Variants in ATPAF1 observed in about 807,000 individuals in gnomAD.
ATPAF1 encodes homolog of yeast ATP11.
Under a neutral mutation model 43.9 loss-of-function variants are expected in ATPAF1, and 26 were observed. That is an observed-to-expected ratio of 0.59 (90% CI 0.43 to 0.82). The LOEUF is 0.82. Among genes scored for constraint, ATPAF1 ranks in the 40% least tolerant of loss-of-function variants. The pLI, the probability that ATPAF1 is intolerant of heterozygous loss-of-function variation, is 0.00. For missense variants in ATPAF1, 366 were observed against 435.0 expected (o/e 0.84, Z 1.41); for synonymous variants, 157 against 168.0 (o/e 0.93, Z 0.50).
downstream of ATPAF1, chr1:46,633,583 C>T (rs949002866): frequency 2.5e-6 from 1 of 405,642 alleles, no homozygotes; most frequent in African/African-American, 2.1e-5. Context: ...TTAAATGGTA[C>T]AATTTTCTTT....
chr1:46,641,395 ATCAGCAT>A (rs1480062179), intron 8 of ATPAF1, among the ~76,000 whole-genome samples: 1 of 152,140 alleles, frequency 6.6e-6, no homozygotes, highest in African/African-American at 2.4e-5. Flanking sequence ...GACCTTTCCC[ATCAGCAT>A]ACAAATATGT....
At chr1:46,641,066 ATTTAT>A (rs766562842) in intron 8 of ATPAF1, among the ~76,000 whole-genome samples, 3 of 151,612 alleles carry the variant, frequency 2.0e-5, no homozygotes, top group Non-Finnish European at 2.9e-5. Context: ...CTGGATCTTT[ATTTAT>A]TTTATTTTAT....
rs780312460 is a variant in ATPAF1 at position 46,658,670 on chromosome 1, T to A, written c.426+17A>T. On this transcript the variant is annotated intron_variant, in intron 3 of 8. Coordinates refer to ENST00000574428, the Ensembl canonical transcript of ATPAF1. Reference sequence around the variant, plus strand: ...ATGACTTCAAGCTTTTTTTCCTATATTTAATTAGAAACCTACCTTGTCCTT... The same window carrying A: ...ATGACTTCAAGCTTTTTTTCCTATAATTAATTAGAAACCTACCTTGTCCTT... 7 of 1,580,542 alleles carry A rather than the reference T, an allele frequency of 4.4e-6. No homozygotes were observed. Among genetic ancestry groups the A allele is most frequent in the Non-Finnish European group, 6.0e-6 (7 of 1,164,286 alleles).
Position 46,668,333 on chromosome 1 carries a change from G to C in ATPAF1, c.-11C>G. 7.4e-7 allele frequency: 1 copy of C among 1,353,976 alleles called. No homozygotes were observed. The highest frequency in any genetic ancestry group is 9.5e-7 in the Non-Finnish European group (1 of 1,048,768). The allele number at this position is 1,353,976 out of a possible 1,614,324, so 83.9% of individuals were successfully genotyped here. A position where few individuals can be genotyped will look rare whatever the true frequency, so the allele number is the denominator to read the frequency against. ...CACCACAGCAGCCATGGCCGCCCCC[G>C]CCTCCTCCTCCTCCTCAGGCGCGTC... On this transcript the variant is annotated 5_prime_UTR_variant, in exon 1 of 9. Transcript: ENST00000574428. The surrounding 1 kb of genome is among the most constrained non-coding windows in gnomAD (Gnocchi z 4.4).
chr1:46,661,709 G>A (rs655369), intron 2 of ATPAF1, among the ~76,000 whole-genome samples: 11,668 of 152,048 alleles, frequency 0.077, 1,149 homozygotes, highest in East Asian at 0.39. Context: ...TGAGTCCCAT[G>A]TGGTGGGGAA....
chr1:46,639,920 C>A (rs928819479), intron 8 of ATPAF1, among the ~76,000 whole-genome samples: 1 of 152,212 alleles, frequency 6.6e-6, no homozygotes, highest in Non-Finnish European at 1.5e-5. Flanking sequence ...AAATGGCAAA[C>A]AGCAGAATGG....
intron 2 of ATPAF1, among the ~76,000 whole-genome samples, chr1:46,664,135 T>C (rs1557429165): frequency 6.6e-6 from 1 of 152,240 alleles, no homozygotes; most frequent in Non-Finnish European, 1.5e-5. Context: ...ATTGTGGTCA[T>C]GGTCAAAAAG....
At chr1:46,667,970 C>T in intron 1 of ATPAF1, 87 bp downstream of exon 1, 2 of 1,095,670 alleles carry the variant, frequency 1.8e-6, no homozygotes, top group Non-Finnish European at 2.4e-6. Flanking sequence ...TACTAGTGCC[C>T]ACCTCACAGG....
At chr1:46,635,868 T>A in exon 9 of ATPAF1, 1 of 1,614,238 alleles carries the variant, frequency 6.2e-7, no homozygotes, top group Non-Finnish European at 8.5e-7. Context: ...TTGAACTCAT[T>A]TGGTCTGAGG....
intron 4 of ATPAF1, among the ~76,000 whole-genome samples, chr1:46,656,524 T>C (rs1676276822): frequency 6.6e-6 from 1 of 152,242 alleles, no homozygotes. Context: ...CATTGTCTTC[T>C]CATTTTAAGG....
intron 6 of ATPAF1, among the ~76,000 whole-genome samples, chr1:46,647,391 T>TG (rs1275475551): frequency 6.6e-6 from 1 of 152,214 alleles, no homozygotes; most frequent in Non-Finnish European, 1.5e-5. Flanking sequence ...CTTCACCATT[T>TG]GGGGGTCGTT....
intron 6 of ATPAF1, among the ~76,000 whole-genome samples, chr1:46,648,916 T>C (rs1676108933): frequency 6.6e-6 from 1 of 151,970 alleles, no homozygotes; most frequent in African/African-American, 2.4e-5. Flanking sequence ...GAGGCAGAGA[T>C]TGCAGTGAGC....
At chr1:46,635,743 A>G in exon 9 of ATPAF1, 3 of 1,587,228 alleles carry the variant, frequency 1.9e-6, no homozygotes, top group South Asian at 2.3e-5. Flanking sequence ...TCGAGGGCTG[A>G]GTCAACTAGG....
intron 2 of ATPAF1, among the ~76,000 whole-genome samples, chr1:46,660,046 G>A (rs1273158766): frequency 6.6e-6 from 1 of 150,382 alleles, no homozygotes; most frequent in Non-Finnish European, 1.5e-5. Context: ...GCACAATGTC[G>A]GCTCACTGCA....
intron 4 of ATPAF1, among the ~76,000 whole-genome samples, chr1:46,654,560 T>TATTATTATA (rs56319728): frequency 9.6e-5 from 14 of 145,874 alleles, no homozygotes; most frequent in African/African-American, 7.6e-5. Context: ...TTATTATTAT[T>TATTATTATA]GTACTTTAAG....
chr1:46,638,345 G>A (rs938126965), intron 8 of ATPAF1, among the ~76,000 whole-genome samples: 4 of 152,186 alleles, frequency 2.6e-5, no homozygotes, highest in Non-Finnish European at 4.4e-5. Context: ...TGGGCCAGGC[G>A]TGGTGGCTCA....
chr1:46,633,146 G>A (rs1476852331), downstream of ATPAF1: 1 of 153,330 alleles, frequency 6.5e-6, no homozygotes, highest in Non-Finnish European at 1.5e-5. Flanking sequence ...TGGGGGGGTG[G>A]TGTACGGTTG....
At chr1:46,659,840 T>C in intron 2 of ATPAF1, among the ~76,000 whole-genome samples, 1 of 152,228 alleles carries the variant, frequency 6.6e-6, no homozygotes, top group Non-Finnish European at 1.5e-5. Flanking sequence ...ATAGAACCTG[T>C]ACCCACAAAT....
chr1:46,668,200 G>A lies in ATPAF1; in HGVS notation c.123C>T (p.Pro41=). 7.2e-7 allele frequency: 1 copy of A among 1,389,200 alleles called. No individual in the cohort carries two copies. The highest frequency in any genetic ancestry group is 9.3e-7 in the Non-Finnish European group (1 of 1,071,944). The allele number at this position is 1,389,200 out of a possible 1,614,324, so 86.1% of individuals were successfully genotyped here. Residue 41 remains proline (P), a synonymous_variant, in exon 1 of 9, where the codon CCC becomes CCT. Transcript: ENST00000574428. The surrounding 1 kb of genome is among the most constrained non-coding windows in gnomAD (Gnocchi z 4.4). ...GCACTGGGAAGACGCGCAGCTGCGC[G>A]GGTGACACGAGCCCCAGGCCCAGGG...
Sources: allele counts gnomAD v4.1 joint callset (sites outside exome capture counted in the v4.1 genomes callset), GRCh38; gene constraint gnomAD v4.1.1; non-coding constraint Gnocchi (gnomAD v3.1); transcripts MANE v1.5; gene names NCBI Gene and HGNC (gene_info 2026-07-23, HGNC 2026-07-21).